The following SGCG variants were observed in gnomAD, a reference collection of about 807,000 sequenced individuals.
SGCG encodes sarcoglycan gamma, also known as gamma-sarcoglycan.
A neutral mutation model predicts 29.3 loss-of-function variants in SGCG; 26 were observed. That is an observed-to-expected ratio of 0.89 (90% CI 0.65 to 1.23). The LOEUF (loss-of-function observed/expected upper bound fraction) is 1.23. Among genes scored for constraint, SGCG ranks in the 50% most tolerant of loss-of-function variants. The probability of loss-of-function intolerance (pLI) is 0.00; values close to 1 mark genes in which losing one functional copy is unlikely to be tolerated. For missense variants in SGCG, 353 were observed against 356.0 expected, an observed-to-expected ratio of 0.99 and a Z score of 0.07; for synonymous variants, 145 against 129.7, an observed-to-expected ratio of 1.12 and a Z score of -0.80.
intron 4 of SGCG, among the ~76,000 whole-genome samples, chr13:23,270,231 A>G (rs1880819331): frequency 1.3e-5 from 2 of 152,114 alleles, no homozygotes; most frequent in South Asian, 2.1e-4. Flanking sequence ...GGGATTGTGG[A>G]TATGTACATA....
At chr13:23,177,854 C>T (rs143997789), upstream of SGCG, among the ~76,000 whole-genome samples, 106 of 152,082 alleles carry the variant, frequency 7.0e-4, no homozygotes, top group East Asian at 0.018. Flanking sequence ...GCTAGGATTA[C>T]AGGCATGAGC....
At position 23,224,680 on chromosome 13, in the gene SGCG, A is replaced by ACACACACACACC. The variant is rs1433903594; in HGVS notation, c.196-9930_196-9929insACACACACACCC. On this transcript the variant is annotated intron_variant, in intron 2 of 7. Transcript: ENST00000218867. The stretch of plus-strand genomic sequence containing the variant: ...AGGGCACACATACACACACACACAC[A>ACACACACACACC]CCCCACACCAGTGCAAGCACTGCTA... Among the ~76,000 whole-genome samples, 1,019 of 150,664 alleles carry ACACACACACACC rather than the reference A, an allele frequency of 6.8e-3. 7 individuals are homozygous for ACACACACACACC. Among genetic ancestry groups the ACACACACACACC allele is most frequent in the East Asian group, 0.025 (127 of 5,034 alleles).
At position 23,322,765 on chromosome 13, in the gene SGCG, T is replaced by TCCCCCCCCCCCCCC. The variant is rs1189871837; in HGVS notation, c.703-1601_703-1600insCCCCCCCCCCCCCC. ...CGATGCACAGACCGCCCCCCACCCATCCACCTCCCCCCCCCCCCCCCCCCG... is the reference window on the plus strand; with the variant it reads ...CGATGCACAGACCGCCCCCCACCCATCCCCCCCCCCCCCCCCACCTCCCCCCCCCCCCCCCCCCG... On this transcript the variant is annotated intron_variant, in intron 7 of 7. Coordinates refer to ENST00000218867, the MANE Select transcript of SGCG (RefSeq NM_000231.3). Among the ~76,000 whole-genome samples, 376 of 61,402 alleles carry TCCCCCCCCCCCCCC rather than the reference T, an allele frequency of 6.1e-3. 7 individuals carry two copies. The highest frequency in any genetic ancestry group is 0.016 in the Admixed American group (83 of 5,334). The allele number at this position is 61,402 out of a possible 152,430, so 40.3% of individuals were successfully genotyped here. A position where few individuals can be genotyped will look rare whatever the true frequency, so the allele number is the denominator to read the frequency against.
At chr13:23,189,455 C>T (rs530157075) in intron 1 of SGCG, among the ~76,000 whole-genome samples, 57 of 152,264 alleles carry the variant, frequency 3.7e-4, no homozygotes, top group African/African-American at 1.1e-3. Flanking sequence ...GAATTACAGG[C>T]GTGAGCCACT....
At chr13:23,299,437 TATATATATATATATATATA>T (rs1882047528) in intron 6 of SGCG, among the ~76,000 whole-genome samples, 38 of 19,544 alleles carry the variant, frequency 1.9e-3, no homozygotes, top group African/African-American at 4.5e-3. Context: ...TATATATATA[TATATATATATATATATATA>T]TTTTTTTTTT....
intron 6 of SGCG, among the ~76,000 whole-genome samples, chr13:23,301,174 A>G (rs1435415430): frequency 6.6e-6 from 1 of 152,128 alleles, no homozygotes; most frequent in Non-Finnish European, 1.5e-5. Context: ...GCTACAAATA[A>G]TCTCCTGGAA....
At chr13:23,220,859 A>T (rs1878630687) in intron 2 of SGCG, among the ~76,000 whole-genome samples, 1 of 152,228 alleles carries the variant, frequency 6.6e-6, no homozygotes, top group South Asian at 2.1e-4. Flanking sequence ...CAAATCAATC[A>T]CTGACTATTT....
chr13:23,193,527 C>CAGAG (rs3064953), intron 1 of SGCG, among the ~76,000 whole-genome samples: 52,228 of 151,610 alleles, frequency 0.34, 9,280 homozygotes, highest in East Asian at 0.56. Context: ...CGTGAGGTGG[C>CAGAG]AGAGAGATTG....
At chr13:23,184,098 A>C (rs512444) in intron 1 of SGCG, among the ~76,000 whole-genome samples, 2 of 152,064 alleles carry the variant, frequency 1.3e-5, no homozygotes, top group Non-Finnish European at 1.5e-5. Flanking sequence ...TCATATCTCA[A>C]AGCAAAGGTG....
intron 6 of SGCG, among the ~76,000 whole-genome samples, chr13:23,311,375 G>A (rs1882593275): frequency 6.6e-6 from 1 of 152,146 alleles, no homozygotes; most frequent in African/African-American, 2.4e-5. Context: ...TTCAATTTTG[G>A]AAAATTATTA....
In SGCG at chr13:23,203,855, C is replaced by T; in HGVS notation, c.161C>T (p.Thr54Ile). ...ATCCTCGTTGTGAATTTAGCTCTTA[C>T]AATTTGGATTCTTAAAGTGATGTGG... ...LIILVVNLALTIWILKVMWFS... is the reference protein window; with the variant it reads ...LIILVVNLALIIWILKVMWFS... The change falls in exon 2 of 8, where the codon ACA (threonine) becomes ATA (isoleucine). Residue 54 changes from threonine (T) to isoleucine (I), a missense_variant. Thr to Ile is a moderately conservative substitution (Grantham distance 89). Transcript: ENST00000218867. 2 of 1,613,672 alleles carry T rather than the reference C, an allele frequency of 1.2e-6. No individual in the cohort carries two copies. The highest frequency in any genetic ancestry group is 1.7e-6 in the Non-Finnish European group (2 of 1,179,572).
intron 2 of SGCG, among the ~76,000 whole-genome samples, chr13:23,213,401 G>C (rs1339304850): frequency 1.3e-5 from 2 of 152,158 alleles, no homozygotes; most frequent in East Asian, 3.9e-4. Flanking sequence ...AGAATCACTT[G>C]AACCCAGAAA....
intron 5 of SGCG, among the ~76,000 whole-genome samples, chr13:23,280,913 TC>T (rs1328690150): frequency 1.3e-5 from 2 of 152,220 alleles, no homozygotes; most frequent in Non-Finnish European, 2.9e-5. Flanking sequence ...GATGAACTTT[TC>T]CTTAGCCCAG....
chr13:23,228,001 G>A (rs1378232543), intron 2 of SGCG, among the ~76,000 whole-genome samples: 4 of 151,872 alleles, frequency 2.6e-5, no homozygotes, highest in African/African-American at 7.3e-5. Flanking sequence ...TGTAGAGATG[G>A]GATTTTGCCA....
At chr13:23,198,863 A>T (rs1877624947) in intron 1 of SGCG, among the ~76,000 whole-genome samples, 1 of 119,758 alleles carries the variant, frequency 8.4e-6, no homozygotes, top group African/African-American at 3.0e-5. Context: ...AAAAAAAAAA[A>T]TTTGGGAGGC....
intron 6 of SGCG, among the ~76,000 whole-genome samples, chr13:23,301,146 G>T (rs1422042595): frequency 1.3e-5 from 2 of 152,048 alleles, no homozygotes; most frequent in African/African-American, 4.8e-5. Flanking sequence ...CCATGGAGAA[G>T]AATTAGAATT....
At position 23,188,043 on chromosome 13, in the gene SGCG, G is replaced by A. The variant is rs561030208; in HGVS notation, c.-1+6968G>A. Among the ~76,000 whole-genome samples, 12 of 152,340 alleles carry A rather than the reference G, an allele frequency of 7.9e-5. No homozygotes were observed. The South Asian group carries it at 1.4e-3, about 18-fold the overall frequency. On this transcript the variant is annotated intron_variant, in intron 1 of 7. Transcript: ENST00000218867. ...GCAGGTCCAGCCTGCAGTATGTGCA[G>A]CCCTGATGCAGAGCCCTGTTCTGGC...
the SGCG span, among the ~76,000 whole-genome samples, chr13:23,167,475 A>G: frequency 4.6e-5 from 7 of 152,304 alleles, no homozygotes; most frequent in Admixed American, 2.6e-4. Flanking sequence ...CTTTTTCTCC[A>G]AACTGTTGTC....
At chr13:23,225,199 G>C (rs77016340) in intron 2 of SGCG, among the ~76,000 whole-genome samples, 4,203 of 152,226 alleles carry the variant, frequency 0.028, 179 homozygotes, top group African/African-American at 0.095. Context: ...AACACCCAAA[G>C]TCCACATCCT....
Sources: allele counts gnomAD v4.1 joint callset (sites outside exome capture counted in the v4.1 genomes callset), GRCh38; gene constraint gnomAD v4.1.1; transcripts MANE v1.5; gene names NCBI Gene and HGNC (gene_info 2026-07-23, HGNC 2026-07-21).